The following RAD23B variants were observed in gnomAD, a reference collection of about 807,000 sequenced individuals.
RAD23B encodes the protein lysine-specific demethylase RAD23B.
In RAD23B, 5 loss-of-function variants were observed where a neutral mutation model predicts 49.1. The ratio of observed to expected loss-of-function variants is 0.10; its 90% CI spans 0.05 to 0.21. The LOEUF (loss-of-function observed/expected upper bound fraction) is 0.21, where lower values mean the gene tolerates loss of function less well. Among genes scored for constraint, RAD23B ranks in the 10% least tolerant of loss-of-function variants. RAD23B has a pLI of 1.00. For missense variants in RAD23B, 356 were observed against 486.7 expected (o/e 0.73, Z 2.53); for synonymous variants, 184 against 165.4 (o/e 1.11, Z -0.86).
intron 1 of RAD23B, among the ~76,000 whole-genome samples, chr9:107,287,538 C>T (rs894198116): frequency 6.6e-6 from 1 of 152,074 alleles, no homozygotes; most frequent in Non-Finnish European, 1.5e-5. Context: ...TACCTAATTT[C>T]GTGGTTTACC....
At chr9:107,314,132 T>C (rs552445957) in intron 5 of RAD23B, among the ~76,000 whole-genome samples, 2 of 152,210 alleles carry the variant, frequency 1.3e-5, no homozygotes, top group East Asian at 3.8e-4. Flanking sequence ...GCAACTCTCA[T>C]GGGGTCTTTG....
intron 1 of RAD23B, 106 bp from the exon 2 acceptor site, chr9:107,300,035 A>G: frequency 7.4e-7 from 1 of 1,349,248 alleles, no homozygotes. Context: ...TTTTGGAAAC[A>G]TTAATAATTA....
At position 107,283,598 on chromosome 9, in the gene RAD23B, C is replaced by G; in HGVS notation, c.-32C>G. The stretch of plus-strand genomic sequence containing the variant: ...CCCGCCCAGCGGCCAGCACCCGGCG[C>G]AGGCCCGGCAGCCGAGCTGCGCGGC... On this transcript the variant is annotated 5_prime_UTR_variant, in exon 1 of 10. Transcript: ENST00000358015. 6.8e-7 allele frequency: 1 copy of G among 1,466,358 alleles called. No individual in the cohort carries two copies. The highest frequency in any genetic ancestry group is 9.0e-7 in the Non-Finnish European group (1 of 1,105,476). 90.8% of individuals were successfully genotyped at this position (1,466,358 alleles called of 1,614,324 possible).
chr9:107,312,903 C>T (rs1367962907), intron 5 of RAD23B, among the ~76,000 whole-genome samples: 1 of 152,090 alleles, frequency 6.6e-6, no homozygotes, highest in Non-Finnish European at 1.5e-5. Flanking sequence ...TCCTGAGTTC[C>T]CGGGAGCCTG....
chr9:107,299,697 A>T (rs1024687472), intron 1 of RAD23B, among the ~76,000 whole-genome samples: 2 of 152,196 alleles, frequency 1.3e-5, no homozygotes. Context: ...ATGAAACATA[A>T]CACTTAAAAT....
At position 107,284,300 on chromosome 9, in the gene RAD23B, G is replaced by A. The variant is rs552482477; in HGVS notation, c.66+605G>A. ...CCCGCCACCAAACCCACACCCTTGC[G>A]TAGATTGCACTTTGAGGCCTCTTTG... On this transcript the variant is annotated intron_variant, in intron 1 of 9. Transcript: ENST00000358015. 17 of 891,174 alleles carry A rather than the reference G, an allele frequency of 1.9e-5. No homozygotes were observed. The African/African-American group carries it at 2.9e-4, about 15-fold the overall frequency. 55.2% of individuals were successfully genotyped at this position (891,174 alleles called of 1,614,324 possible).
chr9:107,322,573 G>A (rs1453006268), intron 7 of RAD23B, among the ~76,000 whole-genome samples: 3 of 152,220 alleles, frequency 2.0e-5, no homozygotes, highest in Non-Finnish European at 4.4e-5. Flanking sequence ...AGCAAAGCTT[G>A]AATTGAAGTC....
intron 1 of RAD23B, among the ~76,000 whole-genome samples, chr9:107,292,660 C>T (rs1044080771): frequency 1.8e-5 from 2 of 109,606 alleles, no homozygotes; most frequent in Non-Finnish European, 3.4e-5. Flanking sequence ...AGCCTGGTGA[C>T]AGAGCGAGAC....
intron 5 of RAD23B, among the ~76,000 whole-genome samples, chr9:107,314,800 A>G (rs1826959262): frequency 6.6e-6 from 1 of 152,210 alleles, no homozygotes; most frequent in African/African-American, 2.4e-5. Flanking sequence ...AGCAGTGTAT[A>G]AGCATTCTAT....
intron 1 of RAD23B, among the ~76,000 whole-genome samples, chr9:107,285,435 T>C (rs112319866): frequency 0.018 from 2,767 of 152,278 alleles, 52 homozygotes; most frequent in South Asian, 0.057. Context: ...TAAAGAAATA[T>C]TGTGGCTTTT....
At chr9:107,286,935 C>T (rs1453255222) in intron 1 of RAD23B, among the ~76,000 whole-genome samples, 2 of 151,976 alleles carry the variant, frequency 1.3e-5, no homozygotes, top group African/African-American at 4.8e-5. Flanking sequence ...ATTAGACGGA[C>T]GTGGTGGCAT....
At chr9:107,324,161 A>G in intron 8 of RAD23B, 144 bp downstream of exon 8, 1 of 988,390 alleles carries the variant, frequency 1.0e-6, no homozygotes. Flanking sequence ...AGATATTGTA[A>G]TCTAGATAGG....
At chr9:107,298,924 A>G (rs1003254065) in intron 1 of RAD23B, among the ~76,000 whole-genome samples, 1 of 152,062 alleles carries the variant, frequency 6.6e-6, no homozygotes, top group African/African-American at 2.4e-5. Flanking sequence ...ATGGATTTCT[A>G]CTTTGGGGAA....
intron 1 of RAD23B, among the ~76,000 whole-genome samples, chr9:107,290,206 C>G (rs1176302239): frequency 6.6e-6 from 1 of 152,178 alleles, no homozygotes; most frequent in Non-Finnish European, 1.5e-5. Flanking sequence ...TACCTACCTG[C>G]TAGCCTCTTC....
chr9:107,285,833 G>C (rs911675174), intron 1 of RAD23B, among the ~76,000 whole-genome samples: 1 of 152,170 alleles, frequency 6.6e-6, no homozygotes, highest in Non-Finnish European at 1.5e-5. Context: ...TTAATGACTT[G>C]TCAGTTTTTA....
chr9:107,305,041 C>A (rs573374044), intron 3 of RAD23B, among the ~76,000 whole-genome samples: 1 of 152,042 alleles, frequency 6.6e-6, no homozygotes. Flanking sequence ...GTAATCCCAT[C>A]GCCTTGGGAG....
rs139457722 is a variant in RAD23B at position 107,320,527 on chromosome 9, T to A, written c.682-1456T>A. The stretch of plus-strand genomic sequence containing the variant: ...ACATGAGTTCATCAAAAACAATTTA[T>A]AACTAAAATGTTTTTTATATATTTG... On this transcript the variant is annotated intron_variant, in intron 6 of 9. Transcript: ENST00000358015. Among the ~76,000 whole-genome samples, 354 of 152,234 alleles carry A rather than the reference T, an allele frequency of 2.3e-3. 3 individuals carry two copies. Among genetic ancestry groups the A allele is most frequent in the East Asian group, 4.0e-3 (21 of 5,192 alleles).
intron 2 of RAD23B, among the ~76,000 whole-genome samples, chr9:107,301,087 A>G (rs1826641529): frequency 6.6e-6 from 1 of 152,208 alleles, no homozygotes; most frequent in African/African-American, 2.4e-5. Flanking sequence ...AAGGTGGAAA[A>G]CTAAATTCAT....
rs1012227860 is a variant in RAD23B at position 107,283,812 on chromosome 9, C to T, written c.66+117C>T. ...GAAGCCCCGGAGGGCGCGATGAGGG[C>T]CCTGGGTCCTGGTGCCGGCCCTGGC... On this transcript the variant is annotated intron_variant, in intron 1 of 9. Transcript: ENST00000358015. 3.5e-5 allele frequency: 36 copies of T among 1,021,890 alleles called. No homozygotes were observed. In the Middle Eastern group the frequency reaches 1.1e-3, roughly 32 times the overall value. 63.3% of individuals were successfully genotyped at this position (1,021,890 alleles called of 1,614,324 possible).
Sources: gnomAD v4.1 joint callset for allele counts (sites outside exome capture counted in the v4.1 genomes callset) on GRCh38, gnomAD v4.1.1 for gene constraint, MANE v1.5 for transcripts, NCBI Gene and HGNC (gene_info 2026-07-23, HGNC 2026-07-21) for gene names.